DTD1: variants seen among roughly 807,000 people sequenced by gnomAD.
DTD1 encodes the protein D-tyrosyl-tRNA deacylase 1 homolog.
DTD1 carries 13 observed loss-of-function variants against 25.6 expected under a neutral mutation model. The observed-to-expected ratio is 0.51, with a 90% confidence interval of 0.33 to 0.81. The LOEUF is 0.81. Among genes scored for constraint, DTD1 ranks in the 30% least tolerant of loss-of-function variants. The pLI, the probability that DTD1 is intolerant of heterozygous loss-of-function variation, is 0.02. For missense variants in DTD1, 193 were observed against 266.4 expected (o/e 0.72, Z 1.92); for synonymous variants, 110 against 103.6 (o/e 1.06, Z -0.37).
At chr20:18,714,264 C>A (rs2061171043) in intron 4 of DTD1, among the ~76,000 whole-genome samples, 1 of 152,108 alleles carries the variant, frequency 6.6e-6, no homozygotes, top group Middle Eastern at 3.2e-3. Flanking sequence ...ACCAAATAAC[C>A]TTTTTTGTTT....
At chr20:18,711,636 T>C (rs1478810353) in intron 4 of DTD1, among the ~76,000 whole-genome samples, 1 of 152,140 alleles carries the variant, frequency 6.6e-6, no homozygotes, top group African/African-American at 2.4e-5. Flanking sequence ...TGGTGTAGGT[T>C]TTTTTCTCGT....
chr20:18,621,569 A>G (rs2060734075), intron 3 of DTD1, among the ~76,000 whole-genome samples: 1 of 152,014 alleles, frequency 6.6e-6, no homozygotes, highest in South Asian at 2.1e-4. Context: ...CTTTTTTTTG[A>G]AGTAAGTTTA....
At chr20:18,679,104 T>G (rs2060986910) in intron 4 of DTD1, 1 of 152,202 alleles carries the variant, frequency 6.6e-6, no homozygotes, top group Non-Finnish European at 1.5e-5. Context: ...GGTCCATGAG[T>G]GAGCCAGCAA....
chr20:18,691,732 C>A lies in DTD1; in HGVS notation c.478-52368C>A, dbSNP rs186028465. Among the ~76,000 whole-genome samples, 195 of 152,234 alleles carry A rather than the reference C, an allele frequency of 1.3e-3. 1 individual carries two copies. The highest frequency in any genetic ancestry group is 4.6e-3 in the African/African-American group (191 of 41,544). The stretch of plus-strand genomic sequence containing the variant: ...AGCATCACACAATATACCCAGGTAA[C>A]AAACCTACACATGTACCCTCTGAAT... On this transcript the variant is annotated intron_variant, in intron 4 of 5. Transcript: ENST00000377452.
intron 4 of DTD1, among the ~76,000 whole-genome samples, chr20:18,676,286 C>T (rs55987845): frequency 0.34 from 51,503 of 151,978 alleles, 9,103 homozygotes; most frequent in Non-Finnish European, 0.4. Flanking sequence ...TTTGCAGGTG[C>T]CCCTTCCCCA....
At chr20:18,752,713 A>C (rs1481284160) in intron 5 of DTD1, among the ~76,000 whole-genome samples, 2 of 152,152 alleles carry the variant, frequency 1.3e-5, no homozygotes, top group African/African-American at 4.8e-5. Context: ...GGGTCCGCTG[A>C]CCTTGAATCT....
At chr20:18,694,796 G>A (rs1294226746) in intron 4 of DTD1, among the ~76,000 whole-genome samples, 1 of 152,142 alleles carries the variant, frequency 6.6e-6, no homozygotes, top group Non-Finnish European at 1.5e-5. Flanking sequence ...ACAATCAAAA[G>A]TGTGTATATC....
chr20:18,648,729 G>T (rs2060859820), intron 4 of DTD1, among the ~76,000 whole-genome samples: 2 of 151,848 alleles, frequency 1.3e-5, no homozygotes, highest in African/African-American at 4.8e-5. Context: ...CATTTATATT[G>T]TGCAGTGCCA....
intron 3 of DTD1, among the ~76,000 whole-genome samples, chr20:18,609,153 T>A (rs1025118988): frequency 1.3e-5 from 2 of 151,930 alleles, no homozygotes; most frequent in African/African-American, 2.4e-5. Context: ...AACTTTATTT[T>A]TTTTTTTGAC....
intron 4 of DTD1, among the ~76,000 whole-genome samples, chr20:18,679,825 T>C (rs2060989776): frequency 6.6e-6 from 1 of 152,216 alleles, no homozygotes; most frequent in East Asian, 1.9e-4. Context: ...TGCCACATCT[T>C]CTAGATATAG....
intron 4 of DTD1, among the ~76,000 whole-genome samples, chr20:18,690,025 A>G (rs1252668895): frequency 6.7e-6 from 1 of 150,320 alleles, no homozygotes; most frequent in Non-Finnish European, 1.5e-5. Context: ...ACTCCCAGCT[A>G]CTTAGGAGGC....
chr20:18,748,991 T>C (rs2061311630), intron 5 of DTD1, among the ~76,000 whole-genome samples: 1 of 152,086 alleles, frequency 6.6e-6, no homozygotes, highest in African/African-American at 2.4e-5. Flanking sequence ...CATGCCATCA[T>C]GGGGCCCTTG....
chr20:18,656,090 T>C (rs1471459881), intron 4 of DTD1, among the ~76,000 whole-genome samples: 1 of 152,180 alleles, frequency 6.6e-6, no homozygotes, highest in Non-Finnish European at 1.5e-5. Flanking sequence ...TTCTTTTTTT[T>C]CCCTAACACA....
intron 4 of DTD1, among the ~76,000 whole-genome samples, chr20:18,700,418 C>T (rs6081308): frequency 0.31 from 47,253 of 151,632 alleles, 8,137 homozygotes; most frequent in South Asian, 0.43. Flanking sequence ...AATTCAAAGA[C>T]GGAAGATTAT....
intron 5 of DTD1, among the ~76,000 whole-genome samples, chr20:18,760,308 G>C (rs2061356407): frequency 1.3e-5 from 2 of 152,148 alleles, no homozygotes. Flanking sequence ...GAGGAGAGGT[G>C]CTCTGATTTT....
intron 4 of DTD1, among the ~76,000 whole-genome samples, chr20:18,737,175 T>C (rs2061259012): frequency 6.6e-6 from 1 of 152,254 alleles, no homozygotes; most frequent in South Asian, 2.1e-4. Flanking sequence ...CCTTTGCCTG[T>C]GTGGCCCTAA....
chr20:18,694,522 G>A (rs1568671474), intron 4 of DTD1, among the ~76,000 whole-genome samples: 1 of 152,118 alleles, frequency 6.6e-6, no homozygotes, highest in African/African-American at 2.4e-5. Flanking sequence ...AATACATTGA[G>A]GCTATTATTA....
chr20:18,588,232 T>G, intron 1 of DTD1, 117 bp downstream of exon 1: 1 of 993,792 alleles, frequency 1.0e-6, no homozygotes, highest in Non-Finnish European at 1.3e-6. Context: ...TCCGCGAGCC[T>G]GGTCCCCTTC....
chr20:18,721,473 T>A (rs1321493335), intron 4 of DTD1, among the ~76,000 whole-genome samples: 5 of 152,274 alleles, frequency 3.3e-5, no homozygotes, highest in African/African-American at 9.6e-5. Context: ...GTTTAGGAGT[T>A]TTGTATCTAT....
Sources: allele counts gnomAD v4.1 joint callset (sites outside exome capture counted in the v4.1 genomes callset), GRCh38; gene constraint gnomAD v4.1.1; transcripts MANE v1.5; gene names NCBI Gene and HGNC (gene_info 2026-07-23, HGNC 2026-07-21).